Variants in NELL1 observed in about 807,000 individuals in gnomAD.
NELL1 encodes protein kinase C-binding protein NELL1.
Under a neutral mutation model 107.4 loss-of-function variants are expected in NELL1, and 76 were observed. The observed-to-expected ratio is 0.71, with a 90% CI of 0.59 to 0.86. The LOEUF is 0.86. NELL1 is among the 40% of genes least tolerant of loss of function. NELL1 has a pLI of 0.00. For missense variants in NELL1, 1,024 were observed against 1,005.5 expected (o/e 1.02, Z -0.25); for synonymous variants, 353 against 341.2 (o/e 1.03, Z -0.38).
intron 12 of NELL1, among the ~76,000 whole-genome samples, chr11:21,079,081 C>A (rs1050433763): frequency 1.3e-5 from 2 of 150,124 alleles, no homozygotes; most frequent in East Asian, 3.9e-4. Context: ...TAAAGCAATT[C>A]TGAACAGAAA....
intron 5 of NELL1, among the ~76,000 whole-genome samples, chr11:20,905,945 TGTAA>T (rs1252940591): frequency 1.3e-5 from 2 of 152,132 alleles, no homozygotes; most frequent in Non-Finnish European, 2.9e-5. Context: ...TTTAGCAAAC[TGTAA>T]GTAAGATAAA....
intron 14 of NELL1, among the ~76,000 whole-genome samples, chr11:21,346,303 T>G (rs2133711753): frequency 6.6e-6 from 1 of 152,102 alleles, no homozygotes; most frequent in East Asian, 1.9e-4. Context: ...TGAATTCCAT[T>G]GAATCAAGAG....
intron 5 of NELL1, among the ~76,000 whole-genome samples, chr11:20,901,102 G>C (rs1480679036): frequency 6.6e-6 from 1 of 152,046 alleles, no homozygotes; most frequent in Admixed American, 6.6e-5. Context: ...ATTCAACATT[G>C]TACTGGAGGT....
chr11:21,172,446 C>T (rs1371895194), intron 13 of NELL1, among the ~76,000 whole-genome samples: 1 of 151,818 alleles, frequency 6.6e-6, no homozygotes, highest in Non-Finnish European at 1.5e-5. Context: ...CCGTTGATAG[C>T]ATGCTCCTTC....
At chr11:21,288,905 G>GTGGTATT (rs2133956872) in intron 14 of NELL1, among the ~76,000 whole-genome samples, 1 of 152,292 alleles carries the variant, frequency 6.6e-6, no homozygotes, top group East Asian at 1.9e-4. Context: ...TATGTGGTAT[G>GTGGTATT]TGGTATTTTG....
rs554388202 is a variant in NELL1 at position 21,417,385 on chromosome 11, T to A, written c.1645+46437T>A. On this transcript the variant is annotated intron_variant, in intron 15 of 19. Coordinates refer to ENST00000357134, the MANE Select transcript of NELL1 (RefSeq NM_006157.5). The stretch of plus-strand genomic sequence containing the variant: ...AATCTTTTTATTCATTATTCAAAGT[T>A]GTTTATATTTTTCATGTATTTACAG... Among the ~76,000 whole-genome samples the A allele has an allele frequency of 2.4e-4, 36 of 152,100 alleles. 1 individual carries two copies. Among genetic ancestry groups the A allele is most frequent in the Non-Finnish European group, 1.5e-4 (10 of 67,974 alleles).
intron 13 of NELL1, among the ~76,000 whole-genome samples, chr11:21,114,488 T>A (rs1176044670): frequency 6.6e-6 from 1 of 152,064 alleles, no homozygotes; most frequent in African/African-American, 2.4e-5. Flanking sequence ...TTTCTCTTTG[T>A]TCCAATCACG....
At chr11:20,993,311 G>T (rs1222118773) in intron 12 of NELL1, among the ~76,000 whole-genome samples, 1 of 152,122 alleles carries the variant, frequency 6.6e-6, no homozygotes, top group South Asian at 2.1e-4. Context: ...TTCCTTGTGG[G>T]CAGGGGATAC....
intron 13 of NELL1, among the ~76,000 whole-genome samples, chr11:21,123,558 C>A (rs1372957826): frequency 1.3e-5 from 2 of 152,098 alleles, no homozygotes; most frequent in African/African-American, 4.8e-5. Flanking sequence ...ACATATATGT[C>A]AATCACTCTT....
At chr11:21,034,441 A>G (rs1041304798) in intron 12 of NELL1, among the ~76,000 whole-genome samples, 1 of 152,216 alleles carries the variant, frequency 6.6e-6, no homozygotes, top group African/African-American at 2.4e-5. Flanking sequence ...ATAACAGAAT[A>G]TACATTCTTC....
rs186242535 is a variant in NELL1, at chr11:20,960,536, C to G, written c.1276C>G (p.Gln426Glu). Reference sequence around the variant, plus strand: ...GTGCAAGAGTGGTTACATCTCTGTCCAGGGAGACTCTGCCTACTGTGAAGG... The same window carrying G: ...GTGCAAGAGTGGTTACATCTCTGTCGAGGGAGACTCTGCCTACTGTGAAGG... Reference protein sequence around the residue: ...CECKSGYISVQGDSAYCEDID... With the variant: ...CECKSGYISVEGDSAYCEDID... The change falls in exon 12 of 20, where the codon CAG (glutamine) becomes GAG (glutamate). Residue 426 changes from glutamine (Q) to glutamate (E), a missense_variant. Coordinates refer to ENST00000357134, the MANE Select transcript of NELL1 (RefSeq NM_006157.5). 456 of 1,613,888 alleles carry G rather than the reference C, an allele frequency of 2.8e-4. 3 individuals are homozygous for G. In the East Asian group the frequency reaches 0.01, roughly 35 times the overall value.
intron 4 of NELL1, among the ~76,000 whole-genome samples, chr11:20,863,644 G>C (rs1849035405): frequency 6.6e-6 from 1 of 150,482 alleles, no homozygotes; most frequent in Non-Finnish European, 1.5e-5. Context: ...GGGCAGAGGT[G>C]CTCCTCACTT....
At chr11:21,070,340 A>G (rs1465935740) in intron 12 of NELL1, among the ~76,000 whole-genome samples, 1 of 152,156 alleles carries the variant, frequency 6.6e-6, no homozygotes, top group African/African-American at 2.4e-5. Flanking sequence ...AGGTTTTAAA[A>G]TTAGTAGACT....
At chr11:20,701,126 C>T (rs1459536335) in intron 2 of NELL1, among the ~76,000 whole-genome samples, 6 of 152,178 alleles carry the variant, frequency 3.9e-5, no homozygotes, top group African/African-American at 1.4e-4. Context: ...GCCCCACCAA[C>T]AGTGTAAAAG....
intron 12 of NELL1, among the ~76,000 whole-genome samples, chr11:21,080,675 C>T (rs1186092391): frequency 6.6e-6 from 1 of 152,018 alleles, no homozygotes; most frequent in Non-Finnish European, 1.5e-5. Context: ...ATGGTACATG[C>T]ATATGTTTAT....
At chr11:21,257,045 A>G (rs1459715696) in intron 14 of NELL1, among the ~76,000 whole-genome samples, 1 of 151,988 alleles carries the variant, frequency 6.6e-6, no homozygotes, top group African/African-American at 2.4e-5. Flanking sequence ...ATTTCCTAGC[A>G]CTAGTTCCTA....
chr11:20,702,944 C>T (rs1376202797), intron 2 of NELL1, among the ~76,000 whole-genome samples: 2 of 152,144 alleles, frequency 1.3e-5, no homozygotes, highest in Non-Finnish European at 2.9e-5. Flanking sequence ...CATTGATGTT[C>T]ATCAGGCATA....
chr11:21,520,606 C>T (rs1431288528), intron 15 of NELL1, among the ~76,000 whole-genome samples: 1 of 152,072 alleles, frequency 6.6e-6, no homozygotes, highest in Non-Finnish European at 1.5e-5. Context: ...GTCTAGAGCC[C>T]CAACACTTGT....
chr11:21,537,551 TCCTTC>T (rs1471544122), intron 16 of NELL1, among the ~76,000 whole-genome samples: 7 of 152,124 alleles, frequency 4.6e-5, no homozygotes, highest in Non-Finnish European at 8.8e-5. Flanking sequence ...TCTGAAATAA[TCCTTC>T]CCTACTCACT....
Sources: gnomAD v4.1 joint callset for allele counts (sites outside exome capture counted in the v4.1 genomes callset) on GRCh38, gnomAD v4.1.1 for gene constraint, MANE v1.5 for transcripts, NCBI Gene and HGNC (gene_info 2026-07-23, HGNC 2026-07-21) for gene names.